CC2D2A: variants seen among roughly 807,000 people sequenced by gnomAD.
CC2D2A encodes coiled-coil and C2 domain-containing protein 2A.
In CC2D2A, 155 loss-of-function variants were observed where a neutral mutation model predicts 212.9. That is an observed-to-expected ratio of 0.73 (90% CI 0.64 to 0.83). CC2D2A has a LOEUF of 0.83. Ranked by LOEUF, CC2D2A falls within the 40% of genes least tolerant of loss-of-function variation. The pLI is 0.00. For synonymous variants in CC2D2A, 667 were observed against 686.5 expected, an observed-to-expected ratio of 0.97 and a Z score of 0.44; for missense variants, 1,856 against 1,956.2, an observed-to-expected ratio of 0.95 and a Z score of 0.97.
At chr4:15,488,794 C>T (rs1034977987) in intron 4 of CC2D2A, among the ~76,000 whole-genome samples, 13 of 152,240 alleles carry the variant, frequency 8.5e-5, no homozygotes, top group African/African-American at 3.1e-4. Context: ...AACCTATGGC[C>T]TCACACACTG....
At chr4:15,563,570 C>T in intron 24 of CC2D2A, 48 bp downstream of exon 24, 1 of 1,576,128 alleles carries the variant, frequency 6.3e-7, no homozygotes, top group Non-Finnish European at 8.6e-7. Context: ...GCATCCCAGC[C>T]AAGTCAATCG....
rs201946793 is a variant in CC2D2A, at chr4:15,553,295, G to A, written c.2476G>A (p.Gly826Arg). 8.6e-5 allele frequency: 139 copies of A among 1,612,184 alleles called. 1 individual carries two copies. The highest frequency in any genetic ancestry group is 4.6e-4 in the South Asian group (42 of 90,572). The change falls in exon 19 of 37, where the codon GGA becomes AGA. Residue 826 changes from glycine (G) to arginine (R), a missense_variant. Gly to Arg is a moderately radical substitution (Grantham distance 125). Around this residue, in one of 5 missense-constraint regions of CC2D2A, gnomAD observed 1,512 missense variants for 1,579.3 expected, o/e 0.96. Transcript: ENST00000424120. ...LIPPLSQQNIGFRSALKKADA... is the reference protein window; with the variant it reads ...LIPPLSQQNIRFRSALKKADA... ...TCCTCCATTGTCACAGCAGAACATC[G>A]GATTTCGGAGGTAATACATGGCAAG...
intron 11 of CC2D2A, among the ~76,000 whole-genome samples, chr4:15,522,214 C>T (rs1169121877): frequency 6.6e-6 from 1 of 152,120 alleles, no homozygotes; most frequent in Non-Finnish European, 1.5e-5. Flanking sequence ...AAAATACATG[C>T]ATACATGCAT....
intron 32 of CC2D2A, 96 bp downstream of exon 32, chr4:15,588,025 CT>C (rs1470956214): frequency 2.2e-5 from 14 of 638,674 alleles, no homozygotes; most frequent in Non-Finnish European, 2.7e-6. Context: ...CATAACGATC[CT>C]TTGGGTTGCT....
chr4:15,492,639 G>T, intron 4 of CC2D2A: 1 of 533,572 alleles, frequency 1.9e-6, no homozygotes, highest in East Asian at 4.2e-5. Flanking sequence ...TGAGGTGGGG[G>T]ACTAAGGGCG....
intron 31 of CC2D2A, among the ~76,000 whole-genome samples, chr4:15,586,887 G>C (rs939715208): frequency 6.6e-6 from 1 of 152,126 alleles, no homozygotes; most frequent in African/African-American, 2.4e-5. Flanking sequence ...GCCCTAAATT[G>C]AAGAAATTTA....
chr4:15,514,838 A>G lies in CC2D2A; in HGVS notation c.849A>G (p.Arg283=). The G allele has an allele frequency of 6.2e-7, 1 of 1,613,972 alleles. No individual in the cohort carries two copies. The highest frequency in any genetic ancestry group is 8.5e-7 in the Non-Finnish European group (1 of 1,179,824). The change falls in exon 9 of 37, where the codon AGA becomes AGG. Residue 283 remains arginine (R), a synonymous_variant. Transcript: ENST00000424120. The stretch of plus-strand genomic sequence containing the variant: ...TCCATGATCGGCTGCAGATGGAAAG[A>G]GAAATGCTCTTCATACCCAGTAGGC... The part of the protein sequence containing the change: ...ESIHDRLQME[R]EMLFIPSRQT...
intron 11 of CC2D2A, among the ~76,000 whole-genome samples, chr4:15,524,093 T>G (rs185331156): frequency 6.6e-6 from 1 of 152,308 alleles, no homozygotes; most frequent in East Asian, 1.9e-4. Flanking sequence ...ATGTAGAAAC[T>G]TGTATTTTAA....
chr4:15,486,779 TATTTATTG>T (rs1446825004), intron 4 of CC2D2A, among the ~76,000 whole-genome samples: 5 of 152,024 alleles, frequency 3.3e-5, no homozygotes, highest in African/African-American at 4.8e-5. Context: ...TTGACGTAGG[TATTTATTG>T]CTATAAAATT....
chr4:15,522,657 A>G (rs1364263768), intron 11 of CC2D2A, among the ~76,000 whole-genome samples: 2 of 152,198 alleles, frequency 1.3e-5, no homozygotes. Context: ...GCTGTCATGC[A>G]AAGAAAAACT....
intron 4 of CC2D2A, among the ~76,000 whole-genome samples, chr4:15,487,735 C>G (rs918860452): frequency 6.6e-6 from 1 of 150,878 alleles, no homozygotes; most frequent in African/African-American, 2.4e-5. Flanking sequence ...TTCCTTTCTG[C>G]CTTCTTCCTG....
At chr4:15,573,192 T>C (rs1468695133) in intron 28 of CC2D2A, among the ~76,000 whole-genome samples, 1 of 152,236 alleles carries the variant, frequency 6.6e-6, no homozygotes. Context: ...TAAATCCTTA[T>C]ACTTCAAATC....
chr4:15,495,665 G>A (rs1715575502), intron 4 of CC2D2A, among the ~76,000 whole-genome samples: 1 of 152,116 alleles, frequency 6.6e-6, no homozygotes, highest in South Asian at 2.1e-4. Flanking sequence ...CCATGTATTT[G>A]CTATTGTGAA....
chr4:15,549,214 G>A (rs564867688), intron 17 of CC2D2A, among the ~76,000 whole-genome samples: 2 of 152,258 alleles, frequency 1.3e-5, no homozygotes, highest in East Asian at 3.9e-4. Flanking sequence ...TGCATTATAT[G>A]TGTTTGAAAT....
intron 11 of CC2D2A, among the ~76,000 whole-genome samples, chr4:15,522,432 A>T (rs1717263881): frequency 6.6e-6 from 1 of 151,950 alleles, no homozygotes; most frequent in African/African-American, 2.4e-5. Flanking sequence ...CAAATGATGG[A>T]TCATGCGCCC....
chr4:15,571,598 G>A (rs1346306098), intron 28 of CC2D2A, among the ~76,000 whole-genome samples: 1 of 95,376 alleles, frequency 1.0e-5, no homozygotes, highest in Non-Finnish European at 2.2e-5. Context: ...GCGAGACTCC[G>A]TTTAAACCAA....
At chr4:15,571,346 G>A (rs1720152116) in intron 28 of CC2D2A, among the ~76,000 whole-genome samples, 1 of 152,188 alleles carries the variant, frequency 6.6e-6, no homozygotes, top group Non-Finnish European at 1.5e-5. Context: ...CCATTAAGTT[G>A]ACAACTCTTG....
chr4:15,475,226 A>G (rs573367548), intron 1 of CC2D2A, among the ~76,000 whole-genome samples: 241 of 152,366 alleles, frequency 1.6e-3, no homozygotes, highest in African/African-American at 5.4e-3. Context: ...GTGAGCCGAG[A>G]TCGTGCCACT....
intron 1 of CC2D2A, among the ~76,000 whole-genome samples, chr4:15,474,177 T>G (rs1714017570): frequency 6.6e-6 from 1 of 152,052 alleles, no homozygotes; most frequent in Non-Finnish European, 1.5e-5. Context: ...GCAAAGGAGT[T>G]TGAGAAGGAA....
Sources: gnomAD v4.1 joint callset for allele counts (sites outside exome capture counted in the v4.1 genomes callset) on GRCh38, gnomAD v4.1.1 for gene constraint, gnomAD v4.1.1 regional missense constraint, MANE v1.5 for transcripts, NCBI Gene and HGNC (gene_info 2026-07-23, HGNC 2026-07-21) for gene names.